Variants in PPP2R5E observed in about 807,000 individuals in gnomAD.
PPP2R5E encodes the protein serine/threonine-protein phosphatase 2A 56 kDa regulatory subunit epsilon isoform.
PPP2R5E carries 4 observed loss-of-function variants against 65.3 expected under a neutral mutation model. The observed-to-expected ratio is 0.06, with a 90% CI of 0.03 to 0.14. PPP2R5E has a LOEUF of 0.14. Among genes scored for constraint, PPP2R5E ranks in the 10% least tolerant of loss-of-function variants. The pLI is 1.00. For missense variants in PPP2R5E, 274 were observed against 556.1 expected (o/e 0.49, Z 5.10); for synonymous variants, 183 against 187.4 (o/e 0.98, Z 0.19).
chr14:63,539,732 G>A (rs1405789730), intron 1 of PPP2R5E, 40 bp from the exon 2 acceptor site: 1 of 1,556,576 alleles, frequency 6.4e-7, no homozygotes, highest in East Asian at 2.3e-5. Flanking sequence ...ACATTCCCAA[G>A]GTGGAAGCAT....
intron 3 of PPP2R5E, among the ~76,000 whole-genome samples, chr14:63,428,736 G>A (rs1887472608): frequency 6.6e-6 from 1 of 152,160 alleles, no homozygotes; most frequent in Non-Finnish European, 1.5e-5. Context: ...AAAAGAGGAA[G>A]AAGCATTTAG....
chr14:63,416,576 A>G (rs1886697938), intron 4 of PPP2R5E, among the ~76,000 whole-genome samples: 1 of 151,966 alleles, frequency 6.6e-6, no homozygotes, highest in Non-Finnish European at 1.5e-5. Flanking sequence ...AAGGACCCCA[A>G]AGCTTTTGTT....
chr14:63,508,293 C>T lies in PPP2R5E; in HGVS notation c.157+31236G>A, dbSNP rs559933827. 2.6e-5 allele frequency: 21 copies of T among 806,912 alleles called. No homozygotes were observed. The South Asian group carries it at 1.2e-3, about 46-fold the overall frequency. The allele number at this position is 806,912 out of a possible 1,614,324, so 50.0% of individuals were successfully genotyped here. ...TACCCCAATGCTATGGCAACCCCCTCCCTCTGCCTGTCACTCTTTGTTCTG... is the reference window on the plus strand; with the variant it reads ...TACCCCAATGCTATGGCAACCCCCTTCCTCTGCCTGTCACTCTTTGTTCTG... On this transcript the variant is annotated intron_variant, in intron 2 of 13. Coordinates refer to ENST00000337537, the MANE Select transcript of PPP2R5E (RefSeq NM_006246.5).
Position 63,393,835 on chromosome 14 carries a change from T to C in PPP2R5E, c.834A>G (p.Ser278=). 2 of 1,597,284 alleles carry C rather than the reference T, an allele frequency of 1.3e-6. No homozygotes were observed. Among genetic ancestry groups the C allele is most frequent in the Non-Finnish European group, 1.7e-6 (2 of 1,165,330 alleles). ...LIPLHTVRSL[S]LFHAQLAYCI... ...ATCCTCCTACCTGTGCATGGAAGAGTGATAAGCTCCTGACAGTGTGTAAAG... is the reference window on the plus strand; with the variant it reads ...ATCCTCCTACCTGTGCATGGAAGAGCGATAAGCTCCTGACAGTGTGTAAAG... Residue 278 remains serine, a synonymous_variant, in exon 8 of 14, where the codon TCA becomes TCG. Transcript: ENST00000337537.
chr14:63,495,310 G>A (rs1223991382), intron 2 of PPP2R5E, among the ~76,000 whole-genome samples: 1 of 150,898 alleles, frequency 6.6e-6, no homozygotes, highest in Non-Finnish European at 1.5e-5. Context: ...GGTGGTTCAC[G>A]CCTGAAATCC....
intron 5 of PPP2R5E, among the ~76,000 whole-genome samples, chr14:63,409,130 G>A (rs1428458609): frequency 6.6e-6 from 1 of 152,216 alleles, no homozygotes; most frequent in Non-Finnish European, 1.5e-5. Flanking sequence ...CTACTCAGGA[G>A]GCCGAGGCAG....
rs1353620955 is a variant in PPP2R5E, at chr14:63,373,407, T to C, written c.*2602A>G. The C allele has an allele frequency of 6.6e-6, 1 of 152,222 alleles. No homozygotes were observed. Among genetic ancestry groups the C allele is most frequent in the African/African-American group, 2.4e-5 (1 of 41,456 alleles). The allele number at this position is 152,222 out of a possible 1,614,324, so 9.4% of individuals were successfully genotyped here. Reference sequence around the variant, plus strand: ...GGCTGCTGCAAATGCAGCAAGTACGTCCTGAAATATGTCACATAGTGCAAC... The same window carrying C: ...GGCTGCTGCAAATGCAGCAAGTACGCCCTGAAATATGTCACATAGTGCAAC... On this transcript the variant is annotated 3_prime_UTR_variant, in exon 14 of 14. Coordinates refer to ENST00000337537, the MANE Select transcript of PPP2R5E (RefSeq NM_006246.5).
At chr14:63,514,627 C>T (rs769815931) in intron 2 of PPP2R5E, among the ~76,000 whole-genome samples, 1 of 152,130 alleles carries the variant, frequency 6.6e-6, no homozygotes, top group Non-Finnish European at 1.5e-5. Flanking sequence ...CAAAGAATTC[C>T]TTTCCTGCCT....
At chr14:63,522,795 C>A (rs1219094198) in intron 2 of PPP2R5E, among the ~76,000 whole-genome samples, 3 of 151,178 alleles carry the variant, frequency 2.0e-5, no homozygotes, top group Admixed American at 1.3e-4. Flanking sequence ...CGGCAGCCAC[C>A]CCGTCCAGGA....
At chr14:63,385,563 G>A (rs1276529487) in intron 11 of PPP2R5E, among the ~76,000 whole-genome samples, 1 of 152,098 alleles carries the variant, frequency 6.6e-6, no homozygotes, top group Non-Finnish European at 1.5e-5. Flanking sequence ...CACAGCTACT[G>A]AGGAACACCC....
intron 2 of PPP2R5E, among the ~76,000 whole-genome samples, chr14:63,512,167 A>G (rs760832029): frequency 2.0e-5 from 3 of 151,696 alleles, no homozygotes; most frequent in Non-Finnish European, 4.4e-5. Context: ...TCAATGTCCC[A>G]CACACCATTT....
chr14:63,382,488 G>A (rs963142543), intron 12 of PPP2R5E, among the ~76,000 whole-genome samples: 5 of 149,990 alleles, frequency 3.3e-5, no homozygotes. Context: ...CGCAACCTCC[G>A]CCTCTTGGGT....
chr14:63,503,587 C>T (rs1892009044), intron 2 of PPP2R5E, among the ~76,000 whole-genome samples: 1 of 152,118 alleles, frequency 6.6e-6, no homozygotes, highest in Admixed American at 6.6e-5. Flanking sequence ...CAAAAAACAC[C>T]ACATTTATAT....
At chr14:63,503,174 G>A (rs1891981950) in intron 2 of PPP2R5E, among the ~76,000 whole-genome samples, 1 of 152,040 alleles carries the variant, frequency 6.6e-6, no homozygotes, top group African/African-American at 2.4e-5. Context: ...ACTACTGTAT[G>A]TACAGAGGGA....
intron 2 of PPP2R5E, among the ~76,000 whole-genome samples, chr14:63,535,959 C>T (rs932012592): frequency 6.6e-6 from 1 of 152,150 alleles, no homozygotes; most frequent in Non-Finnish European, 1.5e-5. Context: ...AGAGCAAATA[C>T]ACATTACTGA....
chr14:63,473,623 T>C (rs1341622129), intron 2 of PPP2R5E, among the ~76,000 whole-genome samples: 4 of 152,088 alleles, frequency 2.6e-5, no homozygotes, highest in African/African-American at 7.2e-5. Context: ...AACAGCTCTC[T>C]AGGAAGTCTG....
At chr14:63,503,075 C>T (rs1269929849) in intron 2 of PPP2R5E, among the ~76,000 whole-genome samples, 1 of 152,148 alleles carries the variant, frequency 6.6e-6, no homozygotes, top group Non-Finnish European at 1.5e-5. Flanking sequence ...GTGCAATATA[C>T]AGGAATGGTC....
At chr14:63,478,091 C>A (rs1890495834) in intron 2 of PPP2R5E, among the ~76,000 whole-genome samples, 1 of 152,042 alleles carries the variant, frequency 6.6e-6, no homozygotes, top group Non-Finnish European at 1.5e-5. Flanking sequence ...ATATAAGAAA[C>A]CAAGGAAGGG....
chr14:63,522,636 A>C (rs1330737149), intron 2 of PPP2R5E, among the ~76,000 whole-genome samples: 4 of 112,384 alleles, frequency 3.6e-5, no homozygotes, highest in Admixed American at 9.2e-5. Context: ...CCCGTCCGCG[A>C]CCCCGTCTGG....
Sources: allele counts gnomAD v4.1 joint callset (sites outside exome capture counted in the v4.1 genomes callset), GRCh38; gene constraint gnomAD v4.1.1; transcripts MANE v1.5; gene names NCBI Gene and HGNC (gene_info 2026-07-23, HGNC 2026-07-21).